KCNH4: variants seen among roughly 807,000 people sequenced by gnomAD.
The protein encoded by KCNH4 is voltage-gated delayed rectifier potassium channel KCNH4.
Under a neutral mutation model 90.7 loss-of-function variants are expected in KCNH4, and 33 were observed. That is an observed-to-expected ratio of 0.36 (90% CI 0.28 to 0.49). KCNH4 has a LOEUF of 0.49. Among genes scored for constraint, KCNH4 ranks in the 20% least tolerant of loss-of-function variants. KCNH4 has a pLI of 0.98. For synonymous variants in KCNH4, 551 were observed against 581.7 expected (o/e 0.95, Z 0.76); for missense variants, 1,044 against 1,387.1 (o/e 0.75, Z 3.93).
Position 42,163,184 on chromosome 17 carries a change from T to C in KCNH4, c.2584+44A>G, listed in dbSNP as rs2079760440. ...CATATGGGATGGATGGACAGGTGGATGGGCAGATGGATGACGGGGTTGAAG... is the reference window on the plus strand; with the variant it reads ...CATATGGGATGGATGGACAGGTGGACGGGCAGATGGATGACGGGGTTGAAG... On this transcript the variant is annotated intron_variant, in intron 14 of 16. Transcript: ENST00000264661. This position sits in a 1 kb window ranked among gnomAD's most constrained non-coding sequence, Gnocchi z 5.4. The C allele has an allele frequency of 7.7e-7, 1 of 1,301,140 alleles. No individual in the cohort carries two copies. The highest frequency in any genetic ancestry group is 2.3e-5 in the East Asian group (1 of 43,470). 80.6% of individuals were successfully genotyped at this position (1,301,140 alleles called of 1,614,324 possible).
chr17:42,169,558 G>T lies in KCNH4; in HGVS notation c.1509C>A (p.Arg503=). 1 of 1,613,738 alleles carries T rather than the reference G, an allele frequency of 6.2e-7. No individual in the cohort carries two copies. The highest frequency in any genetic ancestry group is 1.7e-5 in the Admixed American group (1 of 60,036). The change falls in exon 9 of 17, where the codon CGC becomes CGA. Residue 503 remains arginine, a synonymous_variant. Transcript: ENST00000264661. ...TGCGCTGCTTGAGCGGCCGCGGCAG[G>T]CGGTGCACACGGATGAAGTCCTTGA... ...KDLKDFIRVH[R]LPRPLKQRML...
chr17:42,166,988 A>G (rs2079792795), intron 9 of KCNH4, among the ~76,000 whole-genome samples: 1 of 152,124 alleles, frequency 6.6e-6, no homozygotes. Flanking sequence ...GGCACTACCA[A>G]TGACCTCTTA....
Position 42,180,322 on chromosome 17 carries a change from T to C in KCNH4, c.76+548A>G, listed in dbSNP as rs59021645. On this transcript the variant is annotated intron_variant, in intron 1 of 16. Coordinates refer to ENST00000264661, the MANE Select transcript of KCNH4 (RefSeq NM_012285.3). The surrounding 1 kb of genome is among the most constrained non-coding windows in gnomAD (Gnocchi z 4.7). ...TGCTGAACCTGAAACCCAAGCTACG[T>C]TGGGCGAGCTGGGAGTTCCCACCGT... Among the ~76,000 whole-genome samples, 11,319 of 152,060 alleles carry C rather than the reference T, an allele frequency of 0.074. 1,379 individuals are homozygous for C. The highest frequency in any genetic ancestry group is 0.26 in the African/African-American group (10,622 of 41,438).
intron 3 of KCNH4, 41 bp downstream of exon 3, chr17:42,178,290 G>C (rs370252849): frequency 4.6e-5 from 75 of 1,614,000 alleles, no homozygotes; most frequent in Middle Eastern, 3.3e-4. Context: ...TTAGGCGAAG[G>C]CTTCTGACCA....
rs374445968 is a variant in KCNH4 at position 42,165,646 on chromosome 17, G to C, written c.1888C>G (p.Pro630Ala). The C allele has an allele frequency of 4.3e-6, 7 of 1,614,034 alleles. No homozygotes were observed. Among genetic ancestry groups the C allele is most frequent in the Non-Finnish European group, 5.9e-6 (7 of 1,180,030 alleles). ...GADIPEPGQE[P>A]GLGADPNFVL... The stretch of plus-strand genomic sequence containing the variant: ...AAGTTTGGGTCTGCTCCCAACCCAG[G>C]CTCCTGCCCCGGCTCAGGGATATCT... Residue 630 changes from proline to alanine, a missense_variant, in exon 11 of 17, where the codon CCT becomes GCT. Transcript: ENST00000264661.
At position 42,165,516 on chromosome 17, in the gene KCNH4, C is replaced by A. The variant is rs2079780871; in HGVS notation, c.2018G>T (p.Gly673Val). 6.2e-7 allele frequency: 1 copy of A among 1,614,142 alleles called. No individual in the cohort carries two copies. Among genetic ancestry groups the A allele is most frequent in the Non-Finnish European group, 8.5e-7 (1 of 1,180,010 alleles). Reference sequence around the variant, plus strand: ...GGGCAGGCCAGCCCGGAAGGCAGCCCCATACTCAGGATAGAGCCTCAGGAC... The same window carrying A: ...GGGCAGGCCAGCCCGGAAGGCAGCCACATACTCAGGATAGAGCCTCAGGAC... ...AEVLRLYPEY[G>V]AAFRAGLPRD... Residue 673 changes from glycine (G) to valine (V), a missense_variant, in exon 11 of 17, where the codon GGG (glycine) becomes GTG (valine). Gly to Val is a moderately radical substitution (Grantham distance 109, BLOSUM62 -3). This residue lies in a region of KCNH4 where 441 missense variants were observed against 512.3 expected (regional missense o/e 0.86). Coordinates refer to ENST00000264661, the MANE Select transcript of KCNH4 (RefSeq NM_012285.3).
chr17:42,164,613 G>A (rs1344862399), intron 11 of KCNH4, among the ~76,000 whole-genome samples: 1 of 151,992 alleles, frequency 6.6e-6, no homozygotes, highest in Non-Finnish European at 1.5e-5. Flanking sequence ...GACCAGCCTG[G>A]CCAACATGGC....
At chr17:42,169,181 G>A (rs1191942658) in intron 9 of KCNH4, among the ~76,000 whole-genome samples, 1 of 152,190 alleles carries the variant, frequency 6.6e-6, no homozygotes, top group Admixed American at 6.5e-5. Context: ...CCTGGTTCAA[G>A]TGATTCTCGT....
At chr17:42,162,542 C>T (rs1020124370) in intron 14 of KCNH4, among the ~76,000 whole-genome samples, 5 of 152,040 alleles carry the variant, frequency 3.3e-5, no homozygotes, top group African/African-American at 7.2e-5. Flanking sequence ...CGGAGCTTCT[C>T]TTTGGTGTCT....
chr17:42,162,242 A>T lies in KCNH4; in HGVS notation c.2658+6T>A. ...CAGGCACGTCTCTGAGCCAGCCCCA[A>T]CCCACCTCCTGGTTCAGCCGGCAAA... On this transcript the variant is annotated splice_donor_region_variant and intron_variant, in intron 15 of 16. Coordinates refer to ENST00000264661, the MANE Select transcript of KCNH4 (RefSeq NM_012285.3). 6.2e-7 allele frequency: 1 copy of T among 1,613,250 alleles called. No individual in the cohort carries two copies. The highest frequency in any genetic ancestry group is 8.5e-7 in the Non-Finnish European group (1 of 1,179,602).
At position 42,160,141 on chromosome 17, in the gene KCNH4, C is replaced by G. The variant is rs141329225; in HGVS notation, c.2953G>C (p.Glu985Gln). 3.8e-5 allele frequency: 62 copies of G among 1,610,448 alleles called. No homozygotes were observed. The highest frequency in any genetic ancestry group is 4.2e-5 in the Non-Finnish European group (49 of 1,177,956). ...GGAGAGGGTCCCAGAGGGTCAGGCT[C>G]TGAGGGGTAGGGGGGCAATATGGAA... Reference protein sequence around the residue: ...RPSILPPYPSEPDPLGPSPVP... With the variant: ...RPSILPPYPSQPDPLGPSPVP... The change falls in exon 16 of 17, where the codon GAG becomes CAG. Residue 985 changes from glutamate (E) to glutamine (Q), a missense_variant. Glu to Gln is a conservative substitution (Grantham distance 29). Coordinates refer to ENST00000264661, the MANE Select transcript of KCNH4 (RefSeq NM_012285.3).
Position 42,172,011 on chromosome 17 carries a change from G to T in KCNH4, c.988-16C>A. 6.4e-7 allele frequency: 1 copy of T among 1,566,968 alleles called. No homozygotes were observed. Among genetic ancestry groups the T allele is most frequent in the Non-Finnish European group, 8.6e-7 (1 of 1,156,466 alleles). On this transcript the variant is annotated splice_polypyrimidine_tract_variant and intron_variant, in intron 6 of 16. Transcript: ENST00000264661. ...CCAGCGAGGTCTGCAGGAAGGTGGC[G>T]GGGGAGGCTGTCAGCAGGCACACCT...
At position 42,166,419 on chromosome 17, in the gene KCNH4, T is replaced by C. The variant is rs1330123139; in HGVS notation, c.1718A>G (p.Lys573Arg). ...GCLRALSLHI[K>R]TSFCAPGEYL... ...CTCGCCCGGAGCGCAGAACGAGGTCTTGATGTGCAGCGATAGGGCCCGCAG... is the reference window on the plus strand; with the variant it reads ...CTCGCCCGGAGCGCAGAACGAGGTCCTGATGTGCAGCGATAGGGCCCGCAG... The change falls in exon 10 of 17, where the codon AAG (lysine) becomes AGG (arginine). Residue 573 changes from lysine to arginine, a missense_variant. Lys to Arg is a conservative substitution (Grantham distance 26). This residue lies in a region of KCNH4 where 318 missense variants were observed against 479.6 expected (regional missense o/e 0.66). Coordinates refer to ENST00000264661, the MANE Select transcript of KCNH4 (RefSeq NM_012285.3). The C allele has an allele frequency of 5.0e-6, 8 of 1,614,104 alleles. No individual in the cohort carries two copies. Among genetic ancestry groups the C allele is most frequent in the Non-Finnish European group, 6.8e-6 (8 of 1,179,978 alleles).
intron 6 of KCNH4, among the ~76,000 whole-genome samples, chr17:42,175,090 C>T (rs1303424400): frequency 6.6e-6 from 1 of 152,218 alleles, no homozygotes; most frequent in Non-Finnish European, 1.5e-5. Flanking sequence ...AGCCCAGCCC[C>T]TCTGTAGCAT....
rs1235244911 is a variant in KCNH4, at chr17:42,175,971, T to C, written c.829+83A>G. On this transcript the variant is annotated intron_variant, in intron 5 of 16. Transcript: ENST00000264661. ...GAAGGGGCTCTGAATGTCTGGGTCATGTGGGCCCCAGGAGTGGGTGAGGCT... is the reference window on the plus strand; with the variant it reads ...GAAGGGGCTCTGAATGTCTGGGTCACGTGGGCCCCAGGAGTGGGTGAGGCT... The C allele has an allele frequency of 2.8e-6, 4 of 1,450,940 alleles. No homozygotes were observed. In the South Asian group the frequency reaches 4.0e-5, roughly 14 times the overall value. The allele number at this position is 1,450,940 out of a possible 1,614,324, so 89.9% of individuals were successfully genotyped here.
chr17:42,177,443 C>T (rs112967516), intron 4 of KCNH4, among the ~76,000 whole-genome samples: 6,751 of 152,014 alleles, frequency 0.044, 510 homozygotes, highest in African/African-American at 0.16. Context: ...AAGCAATCCT[C>T]CTGCCTTGGC....
At position 42,178,986 on chromosome 17, in the gene KCNH4, G is replaced by T. The variant is rs1165236341; in HGVS notation, c.117C>A (p.Gly39=). ...CGTCGGAGCAGTAGACGATGGGAAA[G>T]CCCCGTGTGCCCTGTGCGTTGGCCA... ...FLLANAQGTR[G]FPIVYCSDGF... Residue 39 remains glycine (G), a synonymous_variant, in exon 2 of 17, where the codon GGC becomes GGA. Transcript: ENST00000264661. 1 of 1,614,134 alleles carries T rather than the reference G, an allele frequency of 6.2e-7. No individual in the cohort carries two copies. Among genetic ancestry groups the T allele is most frequent in the South Asian group, 1.1e-5 (1 of 91,088 alleles).
chr17:42,157,297 C>T (rs1213484683), intron 16 of KCNH4, among the ~76,000 whole-genome samples, 179 bp from the exon 17 acceptor site: 1 of 152,112 alleles, frequency 6.6e-6, no homozygotes, highest in East Asian at 1.9e-4. Context: ...TGGATGAGGC[C>T]CAGGAATCTG....
Position 42,170,291 on chromosome 17 carries a change from A to G in KCNH4, c.1206T>C (p.His402=), listed in dbSNP as rs1453545950. Residue 402 remains histidine (H), a synonymous_variant, in exon 8 of 17, where the codon CAT becomes CAC. Transcript: ENST00000264661. ...GCACCTCCAGACGCTTGCCCAACTC[A>G]TGCAACCAGCCTGCAGGGTGGACGG... ...DPLLWDIGWL[H]ELGKRLEVPY... The G allele has an allele frequency of 6.3e-7, 1 of 1,593,978 alleles. No homozygotes were observed. The highest frequency in any genetic ancestry group is 8.5e-7 in the Non-Finnish European group (1 of 1,175,472).
Sources: gnomAD v4.1 joint callset for allele counts (sites outside exome capture counted in the v4.1 genomes callset) on GRCh38, gnomAD v4.1.1 for gene constraint, gnomAD v4.1.1 regional missense constraint, Gnocchi (gnomAD v3.1) non-coding constraint, MANE v1.5 for transcripts, NCBI Gene and HGNC (gene_info 2026-07-23, HGNC 2026-07-21) for gene names.